The following PLCL1 variants were observed in gnomAD, a reference collection of about 807,000 sequenced individuals.
The protein encoded by PLCL1 is inactive phospholipase C-like protein 1.
Under a neutral mutation model 84.4 loss-of-function variants are expected in PLCL1, and 41 were observed. The observed-to-expected ratio is 0.49, with a 90% CI of 0.38 to 0.63. The LOEUF is 0.63. Ranked by LOEUF, PLCL1 falls within the 30% of genes least tolerant of loss-of-function variation. The pLI, the probability that PLCL1 is intolerant of heterozygous loss-of-function variation, is 0.00. For synonymous variants in PLCL1, 490 were observed against 488.3 expected, an observed-to-expected ratio of 1.00 and a Z score of -0.05; for missense variants, 1,206 against 1,367.8, an observed-to-expected ratio of 0.88 and a Z score of 1.87.
intron 1 of PLCL1, among the ~76,000 whole-genome samples, chr2:197,891,422 G>C (rs1183390509): frequency 6.6e-6 from 1 of 152,162 alleles, no homozygotes; most frequent in South Asian, 2.1e-4. Flanking sequence ...GAAGGTCAAG[G>C]GTGGGGCCTC....
chr2:197,816,314 G>GT (rs991121135), intron 1 of PLCL1, among the ~76,000 whole-genome samples: 9 of 151,956 alleles, frequency 5.9e-5, no homozygotes. Context: ...TAGCAATAAG[G>GT]TATTTTAAGA....
chr2:197,997,399 T>G (rs182705762), intron 1 of PLCL1, among the ~76,000 whole-genome samples: 22 of 152,348 alleles, frequency 1.4e-4, no homozygotes, highest in Middle Eastern at 3.4e-3. Flanking sequence ...TGTGATCTGC[T>G]GAGGTCGGCT....
intron 1 of PLCL1, among the ~76,000 whole-genome samples, chr2:197,985,172 A>G (rs1334798010): frequency 2.0e-5 from 3 of 152,198 alleles, no homozygotes; most frequent in African/African-American, 7.2e-5. Context: ...AAATCCTACT[A>G]GCTGTGTAAC....
At chr2:198,025,121 T>G (rs1423445680) in intron 1 of PLCL1, among the ~76,000 whole-genome samples, 1 of 152,172 alleles carries the variant, frequency 6.6e-6, no homozygotes, top group Non-Finnish European at 1.5e-5. Flanking sequence ...CTAAAACTTG[T>G]ACATGATTCC....
Position 198,085,320 on chromosome 2 carries a change from A to G in PLCL1, c.1803A>G (p.Glu601=), listed in dbSNP as rs374918593. The G allele has an allele frequency of 3.1e-6, 5 of 1,613,942 alleles. No individual in the cohort carries two copies. Among genetic ancestry groups the G allele is most frequent in the Non-Finnish European group, 4.2e-6 (5 of 1,179,882 alleles). ...ICKSVQYRDF[E]LSMKSQNYWE... Reference sequence around the variant, plus strand: ...AATCTGTTCAATACAGGGATTTTGAACTATCTATGAAAAGCCAAAACTATT... The same window carrying G: ...AATCTGTTCAATACAGGGATTTTGAGCTATCTATGAAAAGCCAAAACTATT... Residue 601 remains glutamate, a synonymous_variant, in exon 2 of 6, where the codon GAA becomes GAG. Coordinates refer to ENST00000428675, the MANE Select transcript of PLCL1 (RefSeq NM_006226.4). The surrounding 1 kb of genome is among the most constrained non-coding windows in gnomAD (Gnocchi z 5.3).
intron 3 of PLCL1, among the ~76,000 whole-genome samples, chr2:198,095,294 T>C (rs181277427): frequency 1.3e-5 from 2 of 152,332 alleles, no homozygotes; most frequent in Non-Finnish European, 2.9e-5. Context: ...TTACTTTCTC[T>C]GGAAAAATAT....
At chr2:198,127,486 T>C (rs1027798540) in intron 5 of PLCL1, among the ~76,000 whole-genome samples, 14 of 152,200 alleles carry the variant, frequency 9.2e-5, no homozygotes, top group Non-Finnish European at 1.5e-4. Flanking sequence ...TTTTCTCTCT[T>C]TCACCAAATT....
At chr2:197,807,625 A>G (rs1235306779) in intron 1 of PLCL1, among the ~76,000 whole-genome samples, 1 of 152,220 alleles carries the variant, frequency 6.6e-6, no homozygotes, top group Non-Finnish European at 1.5e-5. Context: ...TTTAGATCAT[A>G]TAAGAAATAC....
At chr2:197,912,208 G>T (rs1452148704) in intron 1 of PLCL1, among the ~76,000 whole-genome samples, 1 of 152,000 alleles carries the variant, frequency 6.6e-6, no homozygotes, top group Non-Finnish European at 1.5e-5. Context: ...CATCATCACT[G>T]GCCATCAGAG....
At chr2:198,086,426 G>A (rs1312457199) in intron 2 of PLCL1, among the ~76,000 whole-genome samples, 194 bp downstream of exon 2, 1 of 152,142 alleles carries the variant, frequency 6.6e-6, no homozygotes, top group Non-Finnish European at 1.5e-5. Flanking sequence ...TTCGAGGCCA[G>A]CTTGGGAAAC....
intron 1 of PLCL1, among the ~76,000 whole-genome samples, chr2:198,050,492 G>A (rs1691901448): frequency 6.6e-6 from 1 of 151,728 alleles, no homozygotes; most frequent in South Asian, 2.1e-4. Context: ...ATAAAATGGA[G>A]ATGTAGTAAA....
chr2:198,068,244 CCT>C (rs1692365279), intron 1 of PLCL1, among the ~76,000 whole-genome samples: 1 of 151,952 alleles, frequency 6.6e-6, no homozygotes, highest in African/African-American at 2.4e-5. Context: ...ACTTTATTTC[CCT>C]GTCACTATAC....
intron 1 of PLCL1, among the ~76,000 whole-genome samples, chr2:198,081,977 A>G (rs1210236664): frequency 2.0e-5 from 3 of 152,170 alleles, no homozygotes; most frequent in African/African-American, 4.8e-5. Flanking sequence ...AATATTTTCA[A>G]TTTATCACCG....
At chr2:197,924,838 G>A (rs777952200) in intron 1 of PLCL1, among the ~76,000 whole-genome samples, 4 of 152,060 alleles carry the variant, frequency 2.6e-5, no homozygotes, top group Middle Eastern at 3.4e-3. Flanking sequence ...AGTTTTTAAC[G>A]TTACATTTAG....
chr2:198,018,916 A>T (rs185400231), intron 1 of PLCL1, among the ~76,000 whole-genome samples: 2 of 152,228 alleles, frequency 1.3e-5, no homozygotes, highest in East Asian at 3.9e-4. Flanking sequence ...TGGGTCCCTG[A>T]CCCTTGTGCC....
chr2:197,836,515 G>A (rs1262931035), intron 1 of PLCL1, among the ~76,000 whole-genome samples: 2 of 144,604 alleles, frequency 1.4e-5, no homozygotes, highest in African/African-American at 2.6e-5. Flanking sequence ...TGTCACTTCC[G>A]TCTTAGAATA....
At chr2:197,814,867 ATCCTAAC>A (rs745318609) in intron 1 of PLCL1, among the ~76,000 whole-genome samples, 40 of 152,200 alleles carry the variant, frequency 2.6e-4, no homozygotes, top group Non-Finnish European at 4.6e-4. Context: ...TCAGAGCAAG[ATCCTAAC>A]TCTCTTCAAT....
At chr2:198,122,295 T>A (rs1223679374) in intron 5 of PLCL1, among the ~76,000 whole-genome samples, 1 of 152,136 alleles carries the variant, frequency 6.6e-6, no homozygotes, top group African/African-American at 2.4e-5. Flanking sequence ...TTAGGTTTAT[T>A]GTCTTTTTCT....
intron 1 of PLCL1, among the ~76,000 whole-genome samples, chr2:197,896,011 A>T (rs1225013046): frequency 2.0e-5 from 3 of 151,868 alleles, no homozygotes; most frequent in African/African-American, 7.2e-5. Flanking sequence ...GCTAAAATGC[A>T]TTTTTGGAAT....
Sources: gnomAD v4.1 joint callset for allele counts (sites outside exome capture counted in the v4.1 genomes callset) on GRCh38, gnomAD v4.1.1 for gene constraint, Gnocchi (gnomAD v3.1) non-coding constraint, MANE v1.5 for transcripts, NCBI Gene and HGNC (gene_info 2026-07-23, HGNC 2026-07-21) for gene names.